The following LRRC66 variants were observed in gnomAD, a reference collection of about 807,000 sequenced individuals.
LRRC66 encodes the protein leucine rich repeat containing 66.
In LRRC66, 29 loss-of-function variants were observed where a neutral mutation model predicts 24.6. That is an observed-to-expected ratio of 1.18 (90% CI 0.88 to 1.61). The LOEUF (loss-of-function observed/expected upper bound fraction) is 1.61, where lower values mean the gene tolerates loss of function less well. Ranked by LOEUF, LRRC66 falls within the 40% of genes most tolerant of loss-of-function variation. LRRC66 has a pLI of 0.00. For missense variants in LRRC66, 1,124 were observed against 1,058.0 expected (o/e 1.06, Z -0.87); for synonymous variants, 411 against 397.6 (o/e 1.03, Z -0.40).
chr4:52,005,507 A>G (rs1303970413), intron 2 of LRRC66, among the ~76,000 whole-genome samples: 1 of 151,790 alleles, frequency 6.6e-6, no homozygotes, highest in Non-Finnish European at 1.5e-5. Flanking sequence ...GTGGTGCTTG[A>G]GCCCGGGAGG....
At position 51,997,848 on chromosome 4, in the gene LRRC66, A is replaced by T. The variant is rs772231078; in HGVS notation, c.756T>A (p.Ala252=). Reference sequence around the variant, plus strand: ...TATCATCACACTGCCAGTTATTATCAGCCAAGTCAACCACTAGATGGGGAA... The same window carrying T: ...TATCATCACACTGCCAGTTATTATCTGCCAAGTCAACCACTAGATGGGGAA... ...LEFPHLVVDL[A]DNNWQCDDSV... is the part of the protein sequence containing the mutation. Residue 252 remains alanine (A), a synonymous_variant, in exon 4 of 5, where the codon GCT becomes GCA. Transcript: ENST00000682860. 1 of 1,614,118 alleles carries T rather than the reference A, an allele frequency of 6.2e-7. No homozygotes were observed. Among genetic ancestry groups the T allele is most frequent in the South Asian group, 1.1e-5 (1 of 91,072 alleles).
rs1056620704 is a variant in LRRC66 at position 52,017,230 on chromosome 4, T to C, written c.384A>G (p.Leu128=). 2.5e-6 allele frequency: 4 copies of C among 1,614,162 alleles called. No homozygotes were observed. The Admixed American group carries it at 6.7e-5, about 27-fold the overall frequency. Residue 128 remains leucine, a synonymous_variant, in exon 2 of 5, where the codon CTA becomes CTG. Coordinates refer to ENST00000682860, the MANE Select transcript of LRRC66 (RefSeq NM_001024611.3). ...NNAIHSLSLD[L]LSPKSSWVKR... ...TCACCCATGAGGACTTAGGACTGAG[T>C]AGATCCAATGAGAGGGAGTGGATGG...
chr4:52,017,367 C>T lies in LRRC66; in HGVS notation c.247G>A (p.Glu83Lys), dbSNP rs1384315053. 5.0e-6 allele frequency: 8 copies of T among 1,614,034 alleles called. No homozygotes were observed. Residue 83 changes from glutamate to lysine, a missense_variant, in exon 2 of 5, where the codon GAA becomes AAA. By Grantham distance (56) the Glu-to-Lys change is moderately conservative (BLOSUM62 1). Coordinates refer to ENST00000682860, the MANE Select transcript of LRRC66 (RefSeq NM_001024611.3). Reference protein sequence around the residue: ...RVLLQSHTKKEEWKIKHLDLS... With the variant: ...RVLLQSHTKKKEWKIKHLDLS... ...TCCAGATGTTTTATTTTCCACTCTT[C>T]TTTTTTCGTGTGAGACTGTAAGAGA...
intron 2 of LRRC66, among the ~76,000 whole-genome samples, chr4:52,008,171 G>C (rs1241616109): frequency 6.6e-6 from 1 of 152,054 alleles, no homozygotes; most frequent in Non-Finnish European, 1.5e-5. Flanking sequence ...TCCCAACTCT[G>C]GTCTGCAGAA....
At chr4:51,998,975 G>A (rs2053738522) in intron 3 of LRRC66, among the ~76,000 whole-genome samples, 1 of 152,006 alleles carries the variant, frequency 6.6e-6, no homozygotes, top group Admixed American at 6.6e-5. Flanking sequence ...AAGGAAGGAA[G>A]GAATTAATGA....
intron 2 of LRRC66, among the ~76,000 whole-genome samples, chr4:52,007,119 G>A (rs1736605763): frequency 6.6e-6 from 1 of 152,126 alleles, no homozygotes; most frequent in Non-Finnish European, 1.5e-5. Context: ...GTGTCACGGA[G>A]TACTAGAGTC....
intron 1 of LRRC66, among the ~76,000 whole-genome samples, chr4:52,019,737 A>G (rs1462617207): frequency 2.6e-5 from 4 of 152,252 alleles, no homozygotes; most frequent in Admixed American, 6.5e-5. Context: ...CTAATGTAAC[A>G]AAATCAGCAA....
In LRRC66 at chr4:51,994,184, G is replaced by A. The variant is rs1736231841; in HGVS notation, c.*195C>T. ...TCATCCCCATAGGATGTTAACAAGTGTGTTTAGCTTATAACCCTTCTAGAA... is the reference window on the plus strand; with the variant it reads ...TCATCCCCATAGGATGTTAACAAGTATGTTTAGCTTATAACCCTTCTAGAA... On this transcript the variant is annotated 3_prime_UTR_variant, in exon 5 of 5. Transcript: ENST00000682860. 1.7e-6 allele frequency: 1 copy of A among 574,988 alleles called. No individual in the cohort carries two copies. Among genetic ancestry groups the A allele is most frequent in the South Asian group, 2.4e-5 (1 of 41,744 alleles). 35.6% of individuals were successfully genotyped at this position (574,988 alleles called of 1,614,324 possible).
Position 52,018,928 on chromosome 4 carries a change from G to A in LRRC66, c.-5-1310C>T, listed in dbSNP as rs569158542. Among the ~76,000 whole-genome samples, 3 of 152,332 alleles carry A rather than the reference G, an allele frequency of 2.0e-5. No homozygotes were observed. The South Asian group carries it at 6.2e-4, about 32-fold the overall frequency. ...TTTCGCTCTTGTTACCCAGGCTGGA[G>A]TGCAAGAGCGCCATGTCAGCTCACC... On this transcript the variant is annotated intron_variant, in intron 1 of 4. Coordinates refer to ENST00000682860, the MANE Select transcript of LRRC66 (RefSeq NM_001024611.3).
intron 2 of LRRC66, among the ~76,000 whole-genome samples, chr4:52,006,736 A>AG (rs1736595119): frequency 6.8e-6 from 1 of 147,626 alleles, no homozygotes; most frequent in Non-Finnish European, 1.5e-5. Context: ...AAAGAAAAAA[A>AG]AACAAAAACA....
At chr4:52,014,223 G>T (rs917255824) in intron 2 of LRRC66, among the ~76,000 whole-genome samples, 1 of 152,168 alleles carries the variant, frequency 6.6e-6, no homozygotes, top group African/African-American at 2.4e-5. Flanking sequence ...TTTTTCTCCA[G>T]CATGGGCAAC....
intron 2 of LRRC66, 87 bp from the exon 3 acceptor site, chr4:52,003,479 T>C (rs1736502077): frequency 8.9e-7 from 1 of 1,123,412 alleles, no homozygotes; most frequent in Non-Finnish European, 1.3e-6. Flanking sequence ...GGAGACAACA[T>C]TAAGAGTTCT....
intron 2 of LRRC66, among the ~76,000 whole-genome samples, chr4:52,012,191 A>C (rs925133007): frequency 6.6e-6 from 1 of 151,962 alleles, no homozygotes; most frequent in Non-Finnish European, 1.5e-5. Context: ...CCATCTAAAA[A>C]CAGAAAAAAA....
At chr4:52,010,011 C>T (rs148146708) in intron 2 of LRRC66, among the ~76,000 whole-genome samples, 1,748 of 152,092 alleles carry the variant, frequency 0.011, 37 homozygotes, top group African/African-American at 0.036. Flanking sequence ...ATTCATCCCA[C>T]GAATGCAAAG....
intron 3 of LRRC66, among the ~76,000 whole-genome samples, chr4:52,002,569 A>G (rs1174810343): frequency 6.6e-6 from 1 of 152,226 alleles, no homozygotes; most frequent in Non-Finnish European, 1.5e-5. Flanking sequence ...CAGTAGTATA[A>G]TTGGCACCTT....
chr4:51,995,718 G>A lies in LRRC66; in HGVS notation c.1304C>T (p.Thr435Ile). 6.2e-7 allele frequency: 1 copy of A among 1,614,164 alleles called. No individual in the cohort carries two copies. Among genetic ancestry groups the A allele is most frequent in the African/African-American group, 1.3e-5 (1 of 75,040 alleles). The change falls in exon 5 of 5, where the codon ACA becomes ATA. Residue 435 changes from threonine to isoleucine, a missense_variant. Thr to Ile is a moderately conservative substitution (Grantham distance 89, BLOSUM62 -1). Transcript: ENST00000682860. ...FYDDMEAAGH[T>I]PHPETHLRQV... ...GCGCAGATGGGTCTCTGGGTGTGGT[G>A]TGTGCCCCGCAGCTTCCATGTCATC...
intron 1 of LRRC66, chr4:52,018,223 T>C: frequency 1.0e-6 from 1 of 985,458 alleles, no homozygotes; most frequent in Non-Finnish European, 1.2e-6. Flanking sequence ...CATAATGTGT[T>C]ATCAAATACA....
Position 51,994,942 on chromosome 4 carries a change from CAGA to C in LRRC66, c.2077_2079del (p.Ser693del), listed in dbSNP as rs745325899. On this transcript the variant is annotated inframe_deletion, in exon 5 of 5. Coordinates refer to ENST00000682860, the MANE Select transcript of LRRC66 (RefSeq NM_001024611.3). ...TCACTCTCCAACTCACAGCAAGTGT[CAGA>C]AGGAGTGGATTTCTGCACTGGTTCC... is the stretch of plus-strand genomic sequence containing the variant. The C allele has an allele frequency of 7.4e-6, 12 of 1,614,038 alleles. No homozygotes were observed. The highest frequency in any genetic ancestry group is 3.3e-5 in the Admixed American group (2 of 59,996).
At chr4:52,017,760 A>T (rs1736854838) in intron 1 of LRRC66, 142 bp from the exon 2 acceptor site, 1 of 1,372,500 alleles carries the variant, frequency 7.3e-7, no homozygotes, top group African/African-American at 1.5e-5. Flanking sequence ...TTGATTTCTT[A>T]CTGGGGCATG....
Sources: allele counts gnomAD v4.1 joint callset (sites outside exome capture counted in the v4.1 genomes callset), GRCh38; gene constraint gnomAD v4.1.1; transcripts MANE v1.5; gene names NCBI Gene and HGNC (gene_info 2026-07-23, HGNC 2026-07-21).